The following EXTL3 variants were observed in gnomAD, a reference collection of about 807,000 sequenced individuals.
The protein encoded by EXTL3 is exostosin like glycosyltransferase 3, also known as exostosin-like 3.
A neutral mutation model predicts 69.3 loss-of-function variants in EXTL3; 27 were observed. That is an observed-to-expected ratio of 0.39 (90% CI 0.29 to 0.54). EXTL3 has a LOEUF of 0.54. EXTL3 is among the 20% of genes least tolerant of loss of function. The pLI is 0.69. For synonymous variants in EXTL3, 511 were observed against 499.4 expected, an observed-to-expected ratio of 1.02 and a Z score of -0.31; for missense variants, 1,003 against 1,231.8, an observed-to-expected ratio of 0.81 and a Z score of 2.78.
chr8:28,741,273 T>TC (rs1341936150), intron 5 of EXTL3: 4 of 152,234 alleles, frequency 2.6e-5, no homozygotes, highest in Non-Finnish European at 5.9e-5. Flanking sequence ...GATAATGCTT[T>TC]CATCAGTTTT....
intron 4 of EXTL3, among the ~76,000 whole-genome samples, chr8:28,732,588 A>G (rs1386890133): frequency 6.6e-6 from 1 of 152,158 alleles, no homozygotes; most frequent in East Asian, 1.9e-4. Flanking sequence ...TAGCCACTCA[A>G]TCTTTGCATC....
In EXTL3 at chr8:28,716,921, C is replaced by G. The variant is rs1801163477; in HGVS notation, c.862C>G (p.Leu288Val). ...ACGTAAGTCAGATACACAGAACCTT[C>G]TCTATAACGTCAGTACTGGCCGTGC... ...LSRKSDTQNLLYNVSTGRAMV... is the reference protein window; with the variant it reads ...LSRKSDTQNLVYNVSTGRAMV... The change falls in exon 3 of 7, where the codon CTC (leucine) becomes GTC (valine). Residue 288 changes from leucine (L) to valine (V), a missense_variant. By Grantham distance (32) the Leu-to-Val change is conservative. Around this residue, in one of 2 missense-constraint regions of EXTL3, gnomAD observed 742 missense variants for 815.4 expected, o/e 0.91. Coordinates refer to ENST00000220562, the MANE Select transcript of EXTL3 (RefSeq NM_001440.4). This position sits in a 1 kb window ranked among gnomAD's most constrained non-coding sequence, Gnocchi z 7.1. The G allele has an allele frequency of 1.2e-6, 2 of 1,614,086 alleles. No homozygotes were observed. Among genetic ancestry groups the G allele is most frequent in the African/African-American group, 1.3e-5 (1 of 74,930 alleles).
At chr8:28,710,717 A>G (rs1200327341) in intron 1 of EXTL3, among the ~76,000 whole-genome samples, 1 of 139,716 alleles carries the variant, frequency 7.2e-6, no homozygotes, top group Non-Finnish European at 1.6e-5. Flanking sequence ...GCTAATTTAA[A>G]TTTTTTTTTT....
At chr8:28,724,145 T>C (rs1005925589) in intron 3 of EXTL3, among the ~76,000 whole-genome samples, 1 of 152,106 alleles carries the variant, frequency 6.6e-6, no homozygotes, top group Non-Finnish European at 1.5e-5. Context: ...TAATATCATG[T>C]TATAATAATT....
chr8:28,660,838 C>CTTTTTTTTTTTTTTTTTTTTTTT (rs58151386), intron 1 of EXTL3, among the ~76,000 whole-genome samples: 1 of 46,970 alleles, frequency 2.1e-5, no homozygotes, highest in Non-Finnish European at 3.4e-5. Flanking sequence ...CGATTTTTGG[C>CTTTTTTTTTTTTTTTTTTTTTTT]TTTTTTTTTT....
intron 1 of EXTL3, among the ~76,000 whole-genome samples, chr8:28,701,931 C>T (rs1800809941): frequency 6.6e-6 from 1 of 152,182 alleles, no homozygotes; most frequent in Non-Finnish European, 1.5e-5. Flanking sequence ...TGGGGCACCC[C>T]CTCCCCGCCC....
At position 28,710,414 on chromosome 8, in the gene EXTL3, T is replaced by C. The variant is rs1249014578; in HGVS notation, c.-569-3043T>C. On this transcript the variant is annotated intron_variant, in intron 1 of 6. Transcript: ENST00000220562. ...AGAGAAAGAGAAGCAGGAGAGGACATGGGCAGGAAGTGTAAAATGCAGACT... is the reference window on the plus strand; with the variant it reads ...AGAGAAAGAGAAGCAGGAGAGGACACGGGCAGGAAGTGTAAAATGCAGACT... The C allele has an allele frequency of 6.6e-6, 3 of 454,632 alleles. No homozygotes were observed. The Admixed American group carries it at 7.1e-5, about 11-fold the overall frequency. The allele number at this position is 454,632 out of a possible 1,614,324, so 28.2% of individuals were successfully genotyped here.
At chr8:28,611,758 G>C (rs1018418081) in intron 2 of EXTL3, among the ~76,000 whole-genome samples, 1 of 152,114 alleles carries the variant, frequency 6.6e-6, no homozygotes, top group Non-Finnish European at 1.5e-5. Context: ...CCTTTCCTTA[G>C]CTCTGGGAAA....
intron 1 of EXTL3, among the ~76,000 whole-genome samples, chr8:28,687,000 T>C (rs562740256): frequency 6.6e-6 from 1 of 152,294 alleles, no homozygotes; most frequent in Admixed American, 6.5e-5. Flanking sequence ...TCATGTAGGA[T>C]GGAGCAGGAC....
At chr8:28,651,818 G>A (rs1806924858) in intron 1 of EXTL3, among the ~76,000 whole-genome samples, 1 of 152,140 alleles carries the variant, frequency 6.6e-6, no homozygotes, top group Non-Finnish European at 1.5e-5. Context: ...CATTAACCAA[G>A]GTTAATAACT....
chr8:28,756,295 T>C (rs922262896), downstream of EXTL3, among the ~76,000 whole-genome samples: 2 of 152,210 alleles, frequency 1.3e-5, no homozygotes, highest in African/African-American at 4.8e-5. Context: ...CTGATGGTTT[T>C]TTTCATTTTG....
chr8:28,720,666 T>C (rs573753149), intron 3 of EXTL3, among the ~76,000 whole-genome samples: 1 of 152,292 alleles, frequency 6.6e-6, no homozygotes, highest in East Asian at 1.9e-4. Flanking sequence ...ACAAATGGGA[T>C]GGTGGCGGGG....
At chr8:28,725,552 G>A (rs1019743994) in intron 3 of EXTL3, among the ~76,000 whole-genome samples, 1 of 152,084 alleles carries the variant, frequency 6.6e-6, no homozygotes, top group African/African-American at 2.4e-5. Context: ...AAATAGAATG[G>A]CAGGGCTAAA....
intron 2 of EXTL3, among the ~76,000 whole-genome samples, chr8:28,611,891 C>A (rs1484634513): frequency 6.6e-6 from 1 of 152,150 alleles, no homozygotes; most frequent in Non-Finnish European, 1.5e-5. Flanking sequence ...TGTCACCCAC[C>A]CCAGCTAGAC....
intron 1 of EXTL3, among the ~76,000 whole-genome samples, chr8:28,705,075 C>T (rs1392897459): frequency 2.0e-5 from 3 of 152,174 alleles, no homozygotes; most frequent in Non-Finnish European, 4.4e-5. Flanking sequence ...GGCCTTAAAG[C>T]CTTATGCCTG....
At chr8:28,685,833 A>G (rs1237527827) in intron 1 of EXTL3, 2 of 151,208 alleles carry the variant, frequency 1.3e-5, no homozygotes, top group Non-Finnish European at 2.9e-5. Flanking sequence ...GTGTGTATAT[A>G]TATACATATT....
intron 1 of EXTL3, among the ~76,000 whole-genome samples, chr8:28,645,976 C>T (rs1315770737): frequency 1.3e-5 from 2 of 152,092 alleles, no homozygotes; most frequent in Non-Finnish European, 2.9e-5. Context: ...GATCCTCCCA[C>T]CTCAGACTCC....
At chr8:28,739,577 C>T (rs183306810) in intron 5 of EXTL3, among the ~76,000 whole-genome samples, 29 of 152,198 alleles carry the variant, frequency 1.9e-4, no homozygotes, top group Non-Finnish European at 1.5e-4. Context: ...GCGATCTGCC[C>T]GCCTTAGCCT....
chr8:28,675,376 T>C (rs1363166750), intron 1 of EXTL3, among the ~76,000 whole-genome samples: 2 of 152,188 alleles, frequency 1.3e-5, no homozygotes, highest in Non-Finnish European at 2.9e-5. Flanking sequence ...ACAAATGTAA[T>C]CATGTATCAT....
Sources: gnomAD v4.1 joint callset for allele counts (sites outside exome capture counted in the v4.1 genomes callset) on GRCh38, gnomAD v4.1.1 for gene constraint, gnomAD v4.1.1 regional missense constraint, Gnocchi (gnomAD v3.1) non-coding constraint, MANE v1.5 for transcripts, NCBI Gene and HGNC (gene_info 2026-07-23, HGNC 2026-07-21) for gene names.